ETFA: variants seen among roughly 807,000 people sequenced by gnomAD.
ETFA encodes the protein electron transfer flavoprotein subunit alpha, mitochondrial.
In ETFA, 22 loss-of-function variants were observed where a neutral mutation model predicts 46.2. The observed-to-expected ratio is 0.48, with a 90% CI of 0.34 to 0.68. The LOEUF is 0.68. ETFA is among the 30% of genes least tolerant of loss of function. The pLI, the probability that ETFA is intolerant of heterozygous loss-of-function variation, is 0.01. For synonymous variants in ETFA, 131 were observed against 139.9 expected, an observed-to-expected ratio of 0.94 and a Z score of 0.45; for missense variants, 345 against 401.1, an observed-to-expected ratio of 0.86 and a Z score of 1.19.
At chr15:76,216,657 G>T (rs2038899156) in intron 11 of ETFA, 60 bp from the exon 12 acceptor site, 7 of 1,096,306 alleles carry the variant, frequency 6.4e-6, no homozygotes, top group Non-Finnish European at 9.9e-6. Context: ...TATGGTCACA[G>T]CTCCGTAAGC....
intron 10 of ETFA, among the ~76,000 whole-genome samples, chr15:76,228,490 C>T (rs1413438925): frequency 6.6e-6 from 1 of 151,966 alleles, no homozygotes; most frequent in Non-Finnish European, 1.5e-5. Flanking sequence ...TGCCACTATG[C>T]CTGCCTTAAA....
chr15:76,235,533 T>C (rs747534724), intron 9 of ETFA, among the ~76,000 whole-genome samples: 4 of 152,192 alleles, frequency 2.6e-5, no homozygotes, highest in Non-Finnish European at 4.4e-5. Context: ...AAGTGTACCA[T>C]AATAGGAAAG....
At chr15:76,290,011 G>A (rs2039743521) in intron 4 of ETFA, among the ~76,000 whole-genome samples, 3 of 152,146 alleles carry the variant, frequency 2.0e-5, no homozygotes, top group African/African-American at 7.2e-5. Context: ...AAAACTCTCA[G>A]AGACAGAACG....
intron 10 of ETFA, chr15:76,229,943 A>G (rs1279477675): frequency 6.6e-6 from 1 of 152,086 alleles, no homozygotes; most frequent in Non-Finnish European, 1.5e-5. Flanking sequence ...TATGTTCAGA[A>G]TCATTACACA....
At chr15:76,286,048 T>C (rs2068571979) in intron 6 of ETFA, among the ~76,000 whole-genome samples, 2 of 152,154 alleles carry the variant, frequency 1.3e-5, no homozygotes, top group Admixed American at 6.5e-5. Context: ...CTCCACACGT[T>C]TCCTATTACA....
intron 9 of ETFA, chr15:76,258,946 C>T: frequency 6.9e-7 from 1 of 1,441,394 alleles, no homozygotes. Context: ...CAGTGGCCAT[C>T]AGAGCCAGCC....
chr15:76,241,869 G>A (rs1376092059), intron 9 of ETFA, among the ~76,000 whole-genome samples: 14 of 158 alleles, frequency 0.089, no homozygotes, highest in East Asian at 0.25. Flanking sequence ...ATGGAGTCTC[G>A]CTCTGTCGCC....
At chr15:76,274,615 C>T (rs750054169) in intron 8 of ETFA, 121 bp from the exon 9 acceptor site, 192 of 824,586 alleles carry the variant, frequency 2.3e-4, no homozygotes, top group South Asian at 8.7e-4. Context: ...ATATTTTATA[C>T]AGAAAGCTTC....
chr15:76,295,851 A>G (rs1477898632), intron 1 of ETFA, 114 bp from the exon 2 acceptor site: 11 of 632,372 alleles, frequency 1.7e-5, no homozygotes, highest in Admixed American at 1.0e-4. Flanking sequence ...TCTGTACACA[A>G]TATTATTCTA....
chr15:76,237,521 A>G (rs997201183), intron 9 of ETFA, among the ~76,000 whole-genome samples: 5 of 151,602 alleles, frequency 3.3e-5, no homozygotes, highest in Non-Finnish European at 7.4e-5. Flanking sequence ...TCAGATCCTG[A>G]CTCTCCCACT....
intron 1 of ETFA, among the ~76,000 whole-genome samples, chr15:76,309,366 G>A (rs1379303648): frequency 2.6e-5 from 4 of 152,168 alleles, no homozygotes; most frequent in African/African-American, 9.7e-5. Flanking sequence ...CAGGAGAATG[G>A]CGTGAACCCG....
intron 9 of ETFA, among the ~76,000 whole-genome samples, chr15:76,242,276 A>AC (rs1172747251): frequency 6.6e-6 from 1 of 152,240 alleles, no homozygotes; most frequent in African/African-American, 2.4e-5. Flanking sequence ...ATCAATGATA[A>AC]AAATCAAGGC....
intron 1 of ETFA, among the ~76,000 whole-genome samples, chr15:76,304,370 C>A (rs1011641613): frequency 6.6e-6 from 1 of 152,122 alleles, no homozygotes; most frequent in Non-Finnish European, 1.5e-5. Flanking sequence ...GCAAAATAAT[C>A]TGTACATCAA....
chr15:76,304,323 A>C (rs1013172609), intron 1 of ETFA, among the ~76,000 whole-genome samples: 6 of 152,130 alleles, frequency 3.9e-5, no homozygotes, highest in Non-Finnish European at 7.4e-5. Context: ...GAGAATCAAA[A>C]AATTACCTAT....
At position 76,295,936 on chromosome 15, in the gene ETFA, C is replaced by CTTTTTTTTTT. The variant is rs1157687784; in HGVS notation, c.40-209_40-200dup. 8.2e-4 allele frequency among the ~76,000 whole-genome samples: 38 copies of CTTTTTTTTTT among 46,604 alleles called. 9 individuals are homozygous for CTTTTTTTTTT. The highest frequency in any genetic ancestry group is 1.6e-3 in the Admixed American group (4 of 2,472). The allele number at this position is 46,604 out of a possible 152,430, so 30.6% of individuals were successfully genotyped here. A position where few individuals can be genotyped will look rare whatever the true frequency, so the allele number is the denominator to read the frequency against. ...TGTCTATCACTGTACCACTAATATT[C>CTTTTTTTTTT]TTTTTTTTTTTTTTTTTTTTTTTGA... is the stretch of plus-strand genomic sequence containing the variant. On this transcript the variant is annotated intron_variant, in intron 1 of 11. Transcript: ENST00000557943.
chr15:76,268,446 C>T (rs753103067), intron 9 of ETFA, among the ~76,000 whole-genome samples: 2 of 152,104 alleles, frequency 1.3e-5, no homozygotes, highest in Non-Finnish European at 2.9e-5. Flanking sequence ...ACATCAACCC[C>T]CATAACATGG....
intron 7 of ETFA, chr15:76,284,967 T>C (rs1441503913): frequency 2.7e-6 from 1 of 368,018 alleles, no homozygotes; most frequent in Admixed American, 3.8e-5. Context: ...AAGTCAGATA[T>C]ATCACTTCAA....
At chr15:76,308,709 A>G (rs2039960283) in intron 1 of ETFA, among the ~76,000 whole-genome samples, 1 of 152,264 alleles carries the variant, frequency 6.6e-6, no homozygotes, top group African/African-American at 2.4e-5. Context: ...AAATTGCTAT[A>G]AACTGTACTA....
chr15:76,259,747 C>T lies in ETFA; in HGVS notation c.816+14665G>A, dbSNP rs113768162. 987 of 1,590,140 alleles carry T rather than the reference C, an allele frequency of 6.2e-4. 6 individuals carry two copies. Among genetic ancestry groups the T allele is most frequent in the Non-Finnish European group, 9.9e-5 (115 of 1,163,892 alleles). On this transcript the variant is annotated intron_variant, in intron 9 of 11. Coordinates refer to ENST00000557943, the MANE Select transcript of ETFA (RefSeq NM_000126.4). ...CTGCCAGCATGCAGTTCCGAGCGGCCAGGTCTCGGTGGATGAAGTTCCGAG... is the reference window on the plus strand; with the variant it reads ...CTGCCAGCATGCAGTTCCGAGCGGCTAGGTCTCGGTGGATGAAGTTCCGAG...
Sources: allele counts gnomAD v4.1 joint callset (sites outside exome capture counted in the v4.1 genomes callset), GRCh38; gene constraint gnomAD v4.1.1; transcripts MANE v1.5; gene names NCBI Gene and HGNC (gene_info 2026-07-23, HGNC 2026-07-21).